RAD50: variants seen among roughly 807,000 people sequenced by gnomAD.
The protein encoded by RAD50 is DNA repair protein RAD50.
RAD50 carries 132 observed loss-of-function variants against 168.8 expected under a neutral mutation model. That is an observed-to-expected ratio of 0.78 (90% confidence interval 0.68 to 0.90). RAD50 has a LOEUF of 0.90. Ranked by LOEUF, RAD50 falls within the 40% of genes least tolerant of loss-of-function variation. The probability of loss-of-function intolerance (pLI) is 0.00; values close to 1 mark genes in which losing one functional copy is unlikely to be tolerated. For missense variants in RAD50, 1,347 were observed against 1,534.4 expected, an observed-to-expected ratio of 0.88 and a Z score of 2.04; for synonymous variants, 525 against 497.4, an observed-to-expected ratio of 1.06 and a Z score of -0.74.
chr5:132,568,236 G>A (rs2706345), intron 2 of RAD50, among the ~76,000 whole-genome samples: 40,952 of 151,610 alleles, frequency 0.27, 6,180 homozygotes, highest in African/African-American at 0.42. Context: ...ATGCCCGGCT[G>A]ATTTTTTATT....
intron 2 of RAD50, among the ~76,000 whole-genome samples, chr5:132,571,831 C>G (rs1426617756): frequency 6.6e-6 from 1 of 152,202 alleles, no homozygotes; most frequent in Non-Finnish European, 1.5e-5. Flanking sequence ...GTATAATATT[C>G]TTGCCAAAGA....
intron 13 of RAD50, among the ~76,000 whole-genome samples, chr5:132,599,079 G>A (rs1750842334): frequency 6.6e-6 from 1 of 152,158 alleles, no homozygotes; most frequent in African/African-American, 2.4e-5. Flanking sequence ...CTGAATGAAT[G>A]AGAACTGTAG....
chr5:132,621,440 TGTG>T (rs1751282219), intron 21 of RAD50, among the ~76,000 whole-genome samples: 1 of 152,270 alleles, frequency 6.6e-6, no homozygotes, highest in African/African-American at 2.4e-5. Context: ...TAATAATTAT[TGTG>T]GTGGTTTCAT....
intron 4 of RAD50, 161 bp downstream of exon 4, chr5:132,579,663 C>A (rs1750469172): frequency 1.5e-5 from 13 of 850,978 alleles, no homozygotes; most frequent in Admixed American, 2.5e-5. Context: ...TTTCACTTGT[C>A]TTTCTGTGCG....
At chr5:132,635,458 A>G (rs1182173287) in intron 21 of RAD50, among the ~76,000 whole-genome samples, 3 of 152,172 alleles carry the variant, frequency 2.0e-5, no homozygotes, top group Non-Finnish European at 4.4e-5. Flanking sequence ...GGTCCGTCCC[A>G]CAGTGGTAGT....
In RAD50 at chr5:132,595,062, T is replaced by C. The variant is rs1437437310; in HGVS notation, c.1969+18T>C. ...ACAGCGAGGTAAGTTGTCTACTTTA[T>C]ATTATCAGGATACTTTGACACCTTT... On this transcript the variant is annotated intron_variant, in intron 12 of 24. Transcript: ENST00000378823. 2 of 1,595,382 alleles carry C rather than the reference T, an allele frequency of 1.3e-6. No homozygotes were observed. Among genetic ancestry groups the C allele is most frequent in the Admixed American group, 3.3e-5 (2 of 59,988 alleles).
At chr5:132,575,697 G>T in intron 2 of RAD50, 80 bp from the exon 3 acceptor site, 1 of 1,396,904 alleles carries the variant, frequency 7.2e-7, no homozygotes, top group Non-Finnish European at 1.0e-6. Flanking sequence ...TTTTGGGTAA[G>T]ATTGCTTATG....
chr5:132,639,345 C>T (rs1561660217), intron 23 of RAD50, among the ~76,000 whole-genome samples: 1 of 133,624 alleles, frequency 7.5e-6, no homozygotes, highest in South Asian at 2.4e-4. Flanking sequence ...AAGAGCGAAA[C>T]TCCGTCTCAA....
intron 11 of RAD50, 95 bp from the exon 12 acceptor site, chr5:132,594,774 T>G (rs1750758834): frequency 3.1e-6 from 4 of 1,277,582 alleles, no homozygotes; most frequent in African/African-American, 1.5e-5. Context: ...CTTGTCATGA[T>G]TTGTTGGCAG....
intron 21 of RAD50, among the ~76,000 whole-genome samples, chr5:132,623,145 TG>T (rs1465474641): frequency 6.6e-6 from 1 of 152,196 alleles, no homozygotes; most frequent in African/African-American, 2.4e-5. Context: ...TCTTCTGTCC[TG>T]GATGATAAGA....
rs1580993390 is a variant in RAD50, at chr5:132,589,667, CAGAT to C, written c.1287_1290del (p.Ile429MetfsTer3). 5.6e-6 allele frequency: 9 copies of C among 1,603,924 alleles called. No individual in the cohort carries two copies. Among genetic ancestry groups the C allele is most frequent in the Non-Finnish European group, 6.8e-6 (8 of 1,175,564 alleles). On this transcript the variant is annotated frameshift_variant, in exon 9 of 25. Transcript: ENST00000378823. LOFTEE classifies it high-confidence loss of function. Reference sequence around the variant, plus strand: ...AGAAAAAGAGACTCTGAAACAAAAACAGATAGATGAGATAAGAGATAAGAAAACT... The same window carrying C: ...AGAAAAAGAGACTCTGAAACAAAAACAGATGAGATAAGAGATAAGAAAACT...
chr5:132,595,053 T>C lies in RAD50; in HGVS notation c.1969+9T>C, dbSNP rs1227624929. ...ATCATCAAAACAGCGAGGTAAGTTG[T>C]CTACTTTATATTATCAGGATACTTT... On this transcript the variant is annotated intron_variant, in intron 12 of 24. Coordinates refer to ENST00000378823, the MANE Select transcript of RAD50 (RefSeq NM_005732.4). 2 of 1,603,448 alleles carry C rather than the reference T, an allele frequency of 1.2e-6. No individual in the cohort carries two copies. The highest frequency in any genetic ancestry group is 1.7e-6 in the Non-Finnish European group (2 of 1,170,856).
At chr5:132,637,226 G>A (rs1229127534) in intron 22 of RAD50, 26 bp downstream of exon 22, 59 of 1,605,014 alleles carry the variant, frequency 3.7e-5, no homozygotes, top group Non-Finnish European at 4.9e-5. Context: ...TATCACAAAT[G>A]CTCTTTCCAA....
intron 2 of RAD50, among the ~76,000 whole-genome samples, chr5:132,570,243 T>C (rs1008817008): frequency 3.3e-5 from 5 of 151,956 alleles, no homozygotes; most frequent in African/African-American, 1.2e-4. Flanking sequence ...GTAAGGAATC[T>C]ATGAGTTTAT....
chr5:132,628,247 A>C (rs991557891), intron 21 of RAD50, among the ~76,000 whole-genome samples: 2 of 152,164 alleles, frequency 1.3e-5, no homozygotes, highest in Non-Finnish European at 2.9e-5. Context: ...AACCCATGAG[A>C]TGAGATCACA....
At chr5:132,610,031 A>G (rs867736176) in intron 19 of RAD50, among the ~76,000 whole-genome samples, 12 of 151,000 alleles carry the variant, frequency 7.9e-5, no homozygotes, top group East Asian at 3.9e-4. Flanking sequence ...GTGTGTGTAT[A>G]TATATATATA....
At chr5:132,602,306 T>C (rs1218859155) in intron 13 of RAD50, among the ~76,000 whole-genome samples, 3 of 152,184 alleles carry the variant, frequency 2.0e-5, no homozygotes, top group African/African-American at 7.2e-5. Flanking sequence ...TAATTTATTC[T>C]ACTGCTTTGT....
chr5:132,559,511 C>A (rs1750083557), intron 2 of RAD50, 144 bp downstream of exon 2: 2 of 737,824 alleles, frequency 2.7e-6, no homozygotes, highest in East Asian at 5.8e-5. Flanking sequence ...CCGTTGTTGA[C>A]ATTTTCATGT....
chr5:132,606,160 C>T (rs150577095), intron 16 of RAD50, among the ~76,000 whole-genome samples: 1 of 151,892 alleles, frequency 6.6e-6, no homozygotes, highest in Non-Finnish European at 1.5e-5. Flanking sequence ...ACACGAAAAA[C>T]CCTTCAAAAA....
Sources: gnomAD v4.1 joint callset for allele counts (sites outside exome capture counted in the v4.1 genomes callset) on GRCh38, gnomAD v4.1.1 for gene constraint, MANE v1.5 for transcripts, NCBI Gene and HGNC (gene_info 2026-07-23, HGNC 2026-07-21) for gene names.